TRIM4: variants seen among roughly 807,000 people sequenced by gnomAD.
TRIM4 encodes the protein E3 ubiquitin-protein ligase TRIM4.
In TRIM4, 29 loss-of-function variants were observed where a neutral mutation model predicts 33.7. That is an observed-to-expected ratio of 0.86 (90% CI 0.64 to 1.17). The LOEUF (loss-of-function observed/expected upper bound fraction) is 1.17. Ranked by LOEUF, TRIM4 falls within the 50% of genes most tolerant of loss-of-function variation. The pLI, the probability that TRIM4 is intolerant of heterozygous loss-of-function variation, is 0.00. For missense variants in TRIM4, 554 were observed against 593.7 expected, an observed-to-expected ratio of 0.93 and a Z score of 0.69; for synonymous variants, 224 against 233.0, an observed-to-expected ratio of 0.96 and a Z score of 0.35.
At chr7:99,912,531 T>C (rs75457755) in intron 1 of TRIM4, among the ~76,000 whole-genome samples, 46 of 145,846 alleles carry the variant, frequency 3.2e-4, no homozygotes, top group Non-Finnish European at 4.8e-4. Context: ...CTCTACATAT[T>C]AAAAAAAAAA....
intron 5 of TRIM4, 84 bp downstream of exon 5, chr7:99,903,134 T>A (rs1366825563): frequency 2.0e-6 from 2 of 1,022,870 alleles, no homozygotes; most frequent in Non-Finnish European, 2.9e-6. Flanking sequence ...GCATGCTGTT[T>A]CCTCTTTCCT....
chr7:99,899,823 C>G (rs759968953), intron 5 of TRIM4, among the ~76,000 whole-genome samples: 18 of 152,126 alleles, frequency 1.2e-4, no homozygotes, highest in Non-Finnish European at 2.4e-4. Context: ...GATGGGGTCT[C>G]GCTGTTGCCC....
intron 1 of TRIM4, among the ~76,000 whole-genome samples, chr7:99,917,457 C>T (rs902900114): frequency 1.3e-5 from 2 of 152,210 alleles, no homozygotes; most frequent in African/African-American, 4.8e-5. Flanking sequence ...AGCTTGCTCA[C>T]GCCTGTAATC....
intron 5 of TRIM4, among the ~76,000 whole-genome samples, chr7:99,895,159 A>T (rs528828673): frequency 2.0e-5 from 3 of 152,170 alleles, no homozygotes; most frequent in African/African-American, 7.2e-5. Flanking sequence ...AGCTGAGGTC[A>T]GTGATTTGAG....
At chr7:99,915,304 A>G (rs1275252756) in intron 1 of TRIM4, among the ~76,000 whole-genome samples, 1 of 152,220 alleles carries the variant, frequency 6.6e-6, no homozygotes, top group Non-Finnish European at 1.5e-5. Context: ...TCTGACACAA[A>G]GCCAGTGCTC....
chr7:99,902,977 T>C (rs1020454839), intron 5 of TRIM4, among the ~76,000 whole-genome samples: 1 of 152,106 alleles, frequency 6.6e-6, no homozygotes, highest in South Asian at 2.1e-4. Flanking sequence ...TGTGTCTGTC[T>C]CTCCAATGTG....
rs1000931580 is a variant in TRIM4 at position 99,890,913 on chromosome 7, G to T, written c.*1250C>A. The stretch of plus-strand genomic sequence containing the variant: ...ATCCTCGTTAAATCACTGCCTGAAA[G>T]TCTTTACTGAAAATCTGGGAGAAAA... On this transcript the variant is annotated 3_prime_UTR_variant, in exon 6 of 6. Coordinates refer to ENST00000349062, the MANE Select transcript of TRIM4 (RefSeq NM_033091.3). The T allele has an allele frequency of 6.6e-6, 1 of 152,164 alleles. No individual in the cohort carries two copies. Among genetic ancestry groups the T allele is most frequent in the African/African-American group, 2.4e-5 (1 of 41,432 alleles). 9.4% of individuals were successfully genotyped at this position (152,164 alleles called of 1,614,324 possible). A position where few individuals can be genotyped will look rare whatever the true frequency, so the allele number is the denominator to read the frequency against.
At chr7:99,905,737 T>C (rs1471236413) in intron 3 of TRIM4, among the ~76,000 whole-genome samples, 1 of 152,120 alleles carries the variant, frequency 6.6e-6, no homozygotes, top group Admixed American at 6.6e-5. Context: ...TTCAAAACAC[T>C]GGTGTACAGC....
intron 1 of TRIM4, among the ~76,000 whole-genome samples, chr7:99,913,432 G>C (rs1435871423): frequency 6.6e-6 from 1 of 152,148 alleles, no homozygotes; most frequent in African/African-American, 2.4e-5. Flanking sequence ...ACTTTGGGAG[G>C]CCAAGGCGGG....
At chr7:99,914,155 C>A (rs1819502510) in intron 1 of TRIM4, among the ~76,000 whole-genome samples, 1 of 152,222 alleles carries the variant, frequency 6.6e-6, no homozygotes, top group Non-Finnish European at 1.5e-5. Flanking sequence ...AACCTCCCGA[C>A]TGCCCTCCCT....
intron 3 of TRIM4, among the ~76,000 whole-genome samples, chr7:99,907,166 G>A (rs1485599258): frequency 6.6e-6 from 1 of 152,158 alleles, no homozygotes; most frequent in Non-Finnish European, 1.5e-5. Flanking sequence ...CGCCCAGGCT[G>A]GAGTGCAGTG....
chr7:99,895,103 A>C (rs1442338243), intron 5 of TRIM4, among the ~76,000 whole-genome samples: 1 of 152,160 alleles, frequency 6.6e-6, no homozygotes, highest in Non-Finnish European at 1.5e-5. Context: ...TCTTCTGTTT[A>C]CTTTGGGCTT....
intron 1 of TRIM4, among the ~76,000 whole-genome samples, chr7:99,918,270 T>A (rs1584275911): frequency 2.0e-5 from 3 of 152,224 alleles, no homozygotes; most frequent in African/African-American, 7.2e-5. Flanking sequence ...AAAAGGAGTA[T>A]AAAATATCTC....
intron 1 of TRIM4, among the ~76,000 whole-genome samples, chr7:99,917,136 A>G (rs1819574037): frequency 6.6e-6 from 1 of 152,212 alleles, no homozygotes; most frequent in Admixed American, 6.5e-5. Flanking sequence ...GATCACTCCG[A>G]CCTCAGACCT....
At chr7:99,892,780 G>A in intron 5 of TRIM4, 34 bp from the exon 6 acceptor site, 3 of 1,543,462 alleles carry the variant, frequency 1.9e-6, no homozygotes, top group Non-Finnish European at 2.6e-6. Flanking sequence ...TAGTGCAGCA[G>A]CTTATCATCA....
chr7:99,909,690 A>C (rs1409713532), intron 1 of TRIM4, 30 bp from the exon 2 acceptor site: 1 of 1,538,854 alleles, frequency 6.5e-7, no homozygotes, highest in South Asian at 1.1e-5. Context: ...CAGGTAAGAA[A>C]ACACATCTCC....
Position 99,898,536 on chromosome 7 carries a change from G to C in TRIM4, c.841+4682C>G, listed in dbSNP as rs578014398. On this transcript the variant is annotated intron_variant, in intron 5 of 5. Transcript: ENST00000349062. ...AAAATTGGGCTGGTAGATGCACCTG[G>C]GGTCGTCTTCACCTGCCGGACACAT... Among the ~76,000 whole-genome samples the C allele has an allele frequency of 3.9e-5, 6 of 152,280 alleles. No homozygotes were observed. The South Asian group carries it at 1.0e-3, about 26-fold the overall frequency.
At chr7:99,918,320 A>G (rs1368178482) in intron 1 of TRIM4, among the ~76,000 whole-genome samples, 1 of 152,236 alleles carries the variant, frequency 6.6e-6, no homozygotes. Flanking sequence ...TAATCCCAGC[A>G]CTATGGGAGG....
At chr7:99,906,915 A>G (rs1197080471) in intron 3 of TRIM4, among the ~76,000 whole-genome samples, 1 of 152,200 alleles carries the variant, frequency 6.6e-6, no homozygotes, top group Non-Finnish European at 1.5e-5. Flanking sequence ...CTGCAGCATT[A>G]TTTGTAGTGG....
Sources: gnomAD v4.1 joint callset for allele counts (sites outside exome capture counted in the v4.1 genomes callset) on GRCh38, gnomAD v4.1.1 for gene constraint, MANE v1.5 for transcripts, NCBI Gene and HGNC (gene_info 2026-07-23, HGNC 2026-07-21) for gene names.